SMCO4: variants seen among roughly 807,000 people sequenced by gnomAD.
SMCO4 encodes single-pass membrane protein with coiled-coil domains 4, also known as single-pass membrane and coiled-coil domain-containing protein 4.
A neutral mutation model predicts 3.6 loss-of-function variants in SMCO4; 4 were observed. The ratio of observed to expected loss-of-function variants is 1.11; its 90% CI spans 0.54 to 2.53. The LOEUF (loss-of-function observed/expected upper bound fraction) is 2.53, where lower values mean the gene tolerates loss of function less well. SMCO4 is among the 30% of genes most tolerant of loss of function. SMCO4 has a pLI of 0.02. For missense variants in SMCO4, 70 were observed against 80.8 expected (o/e 0.87, Z 0.51); for synonymous variants, 36 against 35.3 (o/e 1.02, Z -0.07).
chr11:93,549,475 G>A, the SMCO4 span, among the ~76,000 whole-genome samples: 1 of 152,050 alleles, frequency 6.6e-6, no homozygotes, highest in African/African-American at 2.4e-5. Flanking sequence ...TTGAGTCAGG[G>A]TCTCACTCTG....
At chr11:93,515,130 T>C (rs995927619) in intron 1 of SMCO4, among the ~76,000 whole-genome samples, 1 of 152,170 alleles carries the variant, frequency 6.6e-6, no homozygotes, top group African/African-American at 2.4e-5. Flanking sequence ...AAGCTTTTTT[T>C]TAGGTTTGGA....
intron 1 of SMCO4, among the ~76,000 whole-genome samples, chr11:93,522,668 A>C (rs1949068779): frequency 1.3e-5 from 2 of 152,240 alleles, no homozygotes; most frequent in Non-Finnish European, 2.9e-5. Context: ...TAAACAGGTA[A>C]CTGTAACTGA....
intron 2 of SMCO4, among the ~76,000 whole-genome samples, 163 bp downstream of exon 2, chr11:93,499,113 G>A (rs1412707132): frequency 6.6e-6 from 1 of 152,102 alleles, no homozygotes; most frequent in Non-Finnish European, 1.5e-5. Flanking sequence ...CCTCCACAAA[G>A]GACAAAGGTG....
chr11:93,520,329 C>G (rs1042999815), intron 1 of SMCO4, among the ~76,000 whole-genome samples: 2 of 152,194 alleles, frequency 1.3e-5, no homozygotes, highest in Non-Finnish European at 2.9e-5. Flanking sequence ...CTCTTATTCA[C>G]TGAAGAGTTT....
the SMCO4 span, among the ~76,000 whole-genome samples, chr11:93,552,686 G>A: frequency 3.0e-4 from 46 of 151,202 alleles, no homozygotes; most frequent in African/African-American, 1.0e-3. Flanking sequence ...CGTTTAGGCT[G>A]GTCCCAAAGT....
intron 1 of SMCO4, among the ~76,000 whole-genome samples, chr11:93,534,543 C>T (rs1328553685): frequency 6.6e-6 from 1 of 152,082 alleles, no homozygotes; most frequent in Non-Finnish European, 1.5e-5. Context: ...ATTATTATTC[C>T]TAACTTACAG....
intron 1 of SMCO4, among the ~76,000 whole-genome samples, chr11:93,519,967 G>C (rs1949042786): frequency 6.6e-6 from 1 of 152,186 alleles, no homozygotes; most frequent in Non-Finnish European, 1.5e-5. Flanking sequence ...GCCAGAAAAA[G>C]AAAGCTACAC....
In SMCO4 at chr11:93,479,016, G is replaced by C. The variant is rs148900515; in HGVS notation, c.174C>G (p.Thr58=). The C allele has an allele frequency of 6.9e-6, 11 of 1,604,962 alleles. No individual in the cohort carries two copies. Among genetic ancestry groups the C allele is most frequent in the Non-Finnish European group, 9.4e-6 (11 of 1,175,148 alleles). Residue 58 remains threonine, a synonymous_variant, in exon 3 of 3, where the codon ACC becomes ACG. Transcript: ENST00000298966. ...CCGCAGCCGGCTGCGGGGCTCACTC[G>C]GTGATGGTGGGGCGCGTGGCCACGT... ...FVYVATRPTI[T]E
intron 1 of SMCO4, among the ~76,000 whole-genome samples, chr11:93,507,897 A>G (rs1948923045): frequency 6.6e-6 from 1 of 152,242 alleles, no homozygotes; most frequent in Non-Finnish European, 1.5e-5. Flanking sequence ...TTCCATTAAG[A>G]GAGACATTAA....
intron 1 of SMCO4, among the ~76,000 whole-genome samples, chr11:93,508,799 G>A (rs1190932723): frequency 6.6e-6 from 1 of 152,188 alleles, no homozygotes; most frequent in East Asian, 1.9e-4. Flanking sequence ...TATTTCCAGA[G>A]CATGGACTCT....
chr11:93,519,664 A>C (rs902390286), intron 1 of SMCO4, among the ~76,000 whole-genome samples: 33 of 152,246 alleles, frequency 2.2e-4, no homozygotes, highest in African/African-American at 8.0e-4. Flanking sequence ...GCAAAGAAGG[A>C]AACAAAGCAA....
chr11:93,541,486 T>C (rs1356931271), intron 1 of SMCO4, among the ~76,000 whole-genome samples: 2 of 152,130 alleles, frequency 1.3e-5, no homozygotes, highest in Non-Finnish European at 2.9e-5. Context: ...AGGAAACCTA[T>C]AATATTATGC....
chr11:93,509,297 GAA>G (rs34599036), intron 1 of SMCO4, among the ~76,000 whole-genome samples: 78 of 140,546 alleles, frequency 5.5e-4, no homozygotes, highest in South Asian at 2.0e-3. Context: ...CTCAAAAATG[GAA>G]AAAAAAAAAA....
chr11:93,541,322 A>C (rs1949269355), intron 1 of SMCO4, among the ~76,000 whole-genome samples: 1 of 152,110 alleles, frequency 6.6e-6, no homozygotes, highest in Non-Finnish European at 1.5e-5. Context: ...GCTGCCTCTA[A>C]CTCACTGCTT....
chr11:93,533,564 C>G (rs898514083), intron 1 of SMCO4, among the ~76,000 whole-genome samples: 4 of 152,144 alleles, frequency 2.6e-5, no homozygotes, highest in Non-Finnish European at 5.9e-5. Context: ...ACTCAGCCAC[C>G]TCGAAATAAA....
chr11:93,494,105 C>T (rs1451515287), intron 2 of SMCO4, among the ~76,000 whole-genome samples: 2 of 152,294 alleles, frequency 1.3e-5, no homozygotes, highest in East Asian at 3.9e-4. Context: ...TTCGAAACCA[C>T]TGTCCATGGA....
chr11:93,526,198 A>C (rs1949105499), intron 1 of SMCO4, among the ~76,000 whole-genome samples: 1 of 152,034 alleles, frequency 6.6e-6, no homozygotes, highest in Non-Finnish European at 1.5e-5. Flanking sequence ...AGCACCACCC[A>C]AGGGGGACCC....
At chr11:93,489,997 G>A (rs925990340) in intron 2 of SMCO4, among the ~76,000 whole-genome samples, 3 of 152,210 alleles carry the variant, frequency 2.0e-5, no homozygotes, top group African/African-American at 7.2e-5. Flanking sequence ...AAGCAGCCCG[G>A]GTAAGTGCAG....
Position 93,530,708 on chromosome 11 carries a change from C to T in SMCO4, c.-154+12568G>A, listed in dbSNP as rs529190699. 2.6e-5 allele frequency among the ~76,000 whole-genome samples: 4 copies of T among 152,302 alleles called. No individual in the cohort carries two copies. In the East Asian group the frequency reaches 7.7e-4, roughly 29 times the overall value. On this transcript the variant is annotated intron_variant, in intron 1 of 2. Transcript: ENST00000298966. Reference sequence around the variant, plus strand: ...GGACTCAAATTGTACTGTCCCTACACTTCAGGGCCTCTGCCTGTGCTGTCC... The same window carrying T: ...GGACTCAAATTGTACTGTCCCTACATTTCAGGGCCTCTGCCTGTGCTGTCC...
Sources: gnomAD v4.1 joint callset for allele counts (sites outside exome capture counted in the v4.1 genomes callset) on GRCh38, gnomAD v4.1.1 for gene constraint, MANE v1.5 for transcripts, NCBI Gene and HGNC (gene_info 2026-07-23, HGNC 2026-07-21) for gene names.